SLC22A23: variants seen among roughly 807,000 people sequenced by gnomAD.
SLC22A23 encodes ion transporter protein.
In SLC22A23, 26 loss-of-function variants were observed where a neutral mutation model predicts 61.0. That is an observed-to-expected ratio of 0.43 (90% CI 0.31 to 0.59). SLC22A23 has a LOEUF of 0.59. Ranked by LOEUF, SLC22A23 falls within the 20% of genes least tolerant of loss-of-function variation. SLC22A23 has a pLI of 0.11. For missense variants in SLC22A23, 796 were observed against 934.7 expected (o/e 0.85, Z 1.94); for synonymous variants, 430 against 413.9 (o/e 1.04, Z -0.47).
At position 3,387,913 on chromosome 6, in the gene SLC22A23, C is replaced by T. The variant is rs549537515; in HGVS notation, c.913+22275G>A. ...TGGCAGCCCACGACAGTCTGTGCCA[C>T]GGCATCTCCTTTCGGTGGAATTCGT... On this transcript the variant is annotated intron_variant, in intron 3 of 9. Coordinates refer to ENST00000406686, the MANE Select transcript of SLC22A23 (RefSeq NM_015482.2). This position sits in a 1 kb window ranked among gnomAD's most constrained non-coding sequence, Gnocchi z 5.0. Among the ~76,000 whole-genome samples, 15 of 152,344 alleles carry T rather than the reference C, an allele frequency of 9.8e-5. No homozygotes were observed. The highest frequency in any genetic ancestry group is 1.4e-4 in the African/African-American group (6 of 41,566).
intron 3 of SLC22A23, among the ~76,000 whole-genome samples, chr6:3,394,103 G>T (rs1380287221): frequency 1.3e-5 from 2 of 152,174 alleles, no homozygotes; most frequent in African/African-American, 4.8e-5. Flanking sequence ...GGAAAATAAG[G>T]TCCAACCCAG....
chr6:3,285,900 G>A (rs6918838), intron 7 of SLC22A23, among the ~76,000 whole-genome samples: 127,870 of 152,032 alleles, frequency 0.84, 54,669 homozygotes, highest in Non-Finnish European at 0.92. Flanking sequence ...CGATGTTCCC[G>A]CAGTGTCCTG....
Position 3,350,137 on chromosome 6 carries a change from C to T in SLC22A23, c.914-26135G>A, listed in dbSNP as rs140262590. Among the ~76,000 whole-genome samples the T allele has an allele frequency of 6.0e-3, 910 of 152,328 alleles. 3 individuals are homozygous for T. Among genetic ancestry groups the T allele is most frequent in the Non-Finnish European group, 9.4e-3 (637 of 68,026 alleles). On this transcript the variant is annotated intron_variant, in intron 3 of 9. Coordinates refer to ENST00000406686, the MANE Select transcript of SLC22A23 (RefSeq NM_015482.2). Reference sequence around the variant, plus strand: ...CACCCCAAATTTTCATGAAACGATACTTAACCCTTATTGTGTGTGATGCAC... The same window carrying T: ...CACCCCAAATTTTCATGAAACGATATTTAACCCTTATTGTGTGTGATGCAC...
Position 3,401,246 on chromosome 6 carries a change from G to A in SLC22A23, c.913+8942C>T, listed in dbSNP as rs1436125080. ...CCAGTCACTTGGGAGGCTGAGGCGG[G>A]AGAATCGCTTGAACCTGGGAGATGG... On this transcript the variant is annotated intron_variant, in intron 3 of 9. Transcript: ENST00000406686. Among the ~76,000 whole-genome samples the A allele has an allele frequency of 2.0e-5, 3 of 152,242 alleles. No homozygotes were observed. The East Asian group carries it at 5.8e-4, about 29-fold the overall frequency.
intron 1 of SLC22A23, among the ~76,000 whole-genome samples, chr6:3,416,483 C>T (rs1769710723): frequency 6.6e-6 from 1 of 152,244 alleles, no homozygotes; most frequent in Non-Finnish European, 1.5e-5. Flanking sequence ...GGAGAGAAAG[C>T]CGGTCAATTA....
intron 3 of SLC22A23, among the ~76,000 whole-genome samples, chr6:3,384,523 T>A (rs1375098576): frequency 1.3e-5 from 2 of 152,244 alleles, no homozygotes. Flanking sequence ...GGAACAGAGC[T>A]GCCTTTTGGT....
chr6:3,385,373 G>A lies in SLC22A23; in HGVS notation c.913+24815C>T, dbSNP rs560243027. 1.2e-3 allele frequency among the ~76,000 whole-genome samples: 177 copies of A among 152,164 alleles called. 1 individual carries two copies. Among genetic ancestry groups the A allele is most frequent in the African/African-American group, 4.1e-3 (169 of 41,510 alleles). On this transcript the variant is annotated intron_variant, in intron 3 of 9. Coordinates refer to ENST00000406686, the MANE Select transcript of SLC22A23 (RefSeq NM_015482.2). The stretch of plus-strand genomic sequence containing the variant: ...ACTAAAAATACAAAAAAAATTAGCC[G>A]GGTGCGGTGGCCCATGGCTATAGTT...
At chr6:3,368,267 C>T (rs1221498108) in intron 3 of SLC22A23, among the ~76,000 whole-genome samples, 4 of 152,192 alleles carry the variant, frequency 2.6e-5, no homozygotes, top group Non-Finnish European at 5.9e-5. Flanking sequence ...GGATGTAGGC[C>T]AGGCTTCCCC....
intron 1 of SLC22A23, among the ~76,000 whole-genome samples, chr6:3,451,166 A>G (rs1396304740): frequency 6.6e-6 from 1 of 152,196 alleles, no homozygotes; most frequent in Non-Finnish European, 1.5e-5. Flanking sequence ...AAACCAACAG[A>G]TTCAGTCAGA....
intron 4 of SLC22A23, among the ~76,000 whole-genome samples, chr6:3,319,465 G>C (rs1384660043): frequency 6.7e-6 from 1 of 149,468 alleles, no homozygotes; most frequent in Non-Finnish European, 1.5e-5. Flanking sequence ...TGTTCCTCAT[G>C]TGTGTGTGGG....
chr6:3,416,002 T>C (rs2127523009), intron 1 of SLC22A23, 147 bp from the exon 2 acceptor site: 2 of 589,264 alleles, frequency 3.4e-6, no homozygotes, highest in Non-Finnish European at 6.0e-6. Flanking sequence ...GTCTCTTCCA[T>C]GGTTTTGAAA....
At chr6:3,373,424 C>T (rs1766353318) in intron 3 of SLC22A23, among the ~76,000 whole-genome samples, 1 of 152,206 alleles carries the variant, frequency 6.6e-6, no homozygotes, top group African/African-American at 2.4e-5. Context: ...CAACTATATG[C>T]TGAGTGCTGT....
chr6:3,415,111 A>G (rs1278354878), intron 2 of SLC22A23, among the ~76,000 whole-genome samples: 1 of 152,260 alleles, frequency 6.6e-6, no homozygotes, highest in African/African-American at 2.4e-5. Context: ...TACTTAGCAC[A>G]GTGCCTGCTA....
intron 3 of SLC22A23, among the ~76,000 whole-genome samples, chr6:3,395,562 A>G (rs1308904411): frequency 1.3e-5 from 2 of 152,240 alleles, no homozygotes; most frequent in East Asian, 3.9e-4. Flanking sequence ...CTTTATCTTC[A>G]GGAGACAGAT....
intron 4 of SLC22A23, among the ~76,000 whole-genome samples, chr6:3,310,685 C>T (rs1408110248): frequency 6.6e-6 from 1 of 152,164 alleles, no homozygotes; most frequent in Non-Finnish European, 1.5e-5. Flanking sequence ...ATCATTTTTC[C>T]TTGACATCTA....
At chr6:3,274,255 CCT>C (rs1758696030) in intron 9 of SLC22A23, among the ~76,000 whole-genome samples, 1 of 152,206 alleles carries the variant, frequency 6.6e-6, no homozygotes, top group South Asian at 2.1e-4. Context: ...TTCTGTGGCC[CCT>C]GAGAAAGCAG....
chr6:3,376,687 G>T (rs181205436), intron 3 of SLC22A23, among the ~76,000 whole-genome samples: 1 of 152,108 alleles, frequency 6.6e-6, no homozygotes. Flanking sequence ...ACAGTTCACT[G>T]TATTAGGTCA....
rs533117326 is a variant in SLC22A23, at chr6:3,330,469, G to C, written c.914-6467C>G. 9.9e-5 allele frequency among the ~76,000 whole-genome samples: 15 copies of C among 152,278 alleles called. No homozygotes were observed. The highest frequency in any genetic ancestry group is 3.1e-4 in the African/African-American group (13 of 41,536). On this transcript the variant is annotated intron_variant, in intron 3 of 9. Coordinates refer to ENST00000406686, the MANE Select transcript of SLC22A23 (RefSeq NM_015482.2). The surrounding 1 kb of genome is among the most constrained non-coding windows in gnomAD (Gnocchi z 4.7). The stretch of plus-strand genomic sequence containing the variant: ...GCCTCACCATCTCCCAGACCACCAT[G>C]CGAGCCTCTCTCCTCTTCCCTGCAC...
At chr6:3,366,493 G>A (rs1373076508) in intron 3 of SLC22A23, among the ~76,000 whole-genome samples, 1 of 152,084 alleles carries the variant, frequency 6.6e-6, no homozygotes, top group East Asian at 1.9e-4. Context: ...GTGTTGTGGG[G>A]AGATGGGTTA....
Sources: allele counts gnomAD v4.1 joint callset (sites outside exome capture counted in the v4.1 genomes callset), GRCh38; gene constraint gnomAD v4.1.1; non-coding constraint Gnocchi (gnomAD v3.1); transcripts MANE v1.5; gene names NCBI Gene and HGNC (gene_info 2026-07-23, HGNC 2026-07-21).